ZFYVE9: variants seen among roughly 807,000 people sequenced by gnomAD.
ZFYVE9 encodes zinc finger FYVE domain-containing protein 9.
A neutral mutation model predicts 126.7 loss-of-function variants in ZFYVE9; 43 were observed. The ratio of observed to expected loss-of-function variants is 0.34; its 90% CI spans 0.27 to 0.44. The LOEUF (loss-of-function observed/expected upper bound fraction) is 0.44. Ranked by LOEUF, ZFYVE9 falls within the 20% of genes least tolerant of loss-of-function variation. The pLI is 1.00. For synonymous variants in ZFYVE9, 521 were observed against 597.4 expected (o/e 0.87, Z 1.87); for missense variants, 1,476 against 1,697.0 (o/e 0.87, Z 2.29).
chr1:52,335,010 T>G, intron 15 of ZFYVE9: 1 of 349,300 alleles, frequency 2.9e-6, no homozygotes, highest in Non-Finnish European at 5.3e-6. Flanking sequence ...ATAAGGTACC[T>G]GAGGGCATGT....
In ZFYVE9 at chr1:52,242,628, T is replaced by C. The variant is rs569728929; in HGVS notation, c.2178+3033T>C. Among the ~76,000 whole-genome samples, 5 of 152,286 alleles carry C rather than the reference T, an allele frequency of 3.3e-5. No individual in the cohort carries two copies. In the South Asian group the frequency reaches 1.0e-3, roughly 32 times the overall value. ...ACGGGTGTAAGAACTTTGGAAAATA[T>C]TTTAAATTAGTCATGTGTATTGTTC... On this transcript the variant is annotated intron_variant, in intron 4 of 18. Transcript: ENST00000287727.
At chr1:52,235,573 A>T (rs1408754095) in intron 3 of ZFYVE9, among the ~76,000 whole-genome samples, 2 of 152,084 alleles carry the variant, frequency 1.3e-5, no homozygotes, top group Non-Finnish European at 2.9e-5. Context: ...ATTTCAGAGG[A>T]TACTAAGCCC....
At chr1:52,198,120 G>GTTTTTTTTTTTTTTTTTTTTT (rs373096573) in intron 1 of ZFYVE9, among the ~76,000 whole-genome samples, 3 of 111,082 alleles carry the variant, frequency 2.7e-5, no homozygotes, top group African/African-American at 7.1e-5. Context: ...GTTTTTTTTT[G>GTTTTTTTTTTTTTTTTTTTTT]TTTGTTTTTT....
chr1:52,317,490 AAAAAAAAG>A (rs984556088), intron 13 of ZFYVE9, among the ~76,000 whole-genome samples: 11 of 152,046 alleles, frequency 7.2e-5, no homozygotes, highest in Non-Finnish European at 8.8e-5. Flanking sequence ...TCAGAAAAAA[AAAAAAAAG>A]AAAGAAAAAA....
At chr1:52,225,978 C>T (rs764932646) in intron 2 of ZFYVE9, among the ~76,000 whole-genome samples, 2 of 152,022 alleles carry the variant, frequency 1.3e-5, no homozygotes, top group African/African-American at 2.4e-5. Context: ...ACGGGTCTTC[C>T]GAGGGAAAAG....
At chr1:52,199,098 C>T (rs1644898092) in intron 1 of ZFYVE9, among the ~76,000 whole-genome samples, 1 of 149,510 alleles carries the variant, frequency 6.7e-6, no homozygotes, top group Non-Finnish European at 1.5e-5. Flanking sequence ...TGGAATCTTG[C>T]TCTGTCACTC....
At chr1:52,173,071 T>C (rs1389640951) in intron 1 of ZFYVE9, among the ~76,000 whole-genome samples, 1 of 151,704 alleles carries the variant, frequency 6.6e-6, no homozygotes, top group Non-Finnish European at 1.5e-5. Flanking sequence ...GGCATCCCTG[T>C]CTTGTGCCAG....
intron 5 of ZFYVE9, 108 bp from the exon 6 acceptor site, chr1:52,266,547 C>G (rs1645635722): frequency 1.1e-6 from 1 of 907,026 alleles, no homozygotes; most frequent in Non-Finnish European, 1.6e-6. Flanking sequence ...GAGAGACATA[C>G]TATGAGTATT....
At chr1:52,198,715 CTCTG>C (rs1644894209) in intron 1 of ZFYVE9, among the ~76,000 whole-genome samples, 1 of 152,128 alleles carries the variant, frequency 6.6e-6, no homozygotes, top group Non-Finnish European at 1.5e-5. Flanking sequence ...TATATATACA[CTCTG>C]TCTTTTTTAG....
Position 52,238,735 on chromosome 1 carries a change from G to T in ZFYVE9, c.1318G>T (p.Val440Phe). 2 of 1,614,116 alleles carry T rather than the reference G, an allele frequency of 1.2e-6. No individual in the cohort carries two copies. The highest frequency in any genetic ancestry group is 1.7e-6 in the Non-Finnish European group (2 of 1,179,968). ...TAATGGTGATAGTGGAGGACAGTGT[G>T]TTGGATTGGCAGATGCAGGTCTAGA... Reference protein sequence around the residue: ...DTNGDSGGQCVGLADAGLDLK... With the variant: ...DTNGDSGGQCFGLADAGLDLK... The change falls in exon 4 of 19, where the codon GTT (valine) becomes TTT (phenylalanine). Residue 440 changes from valine (V) to phenylalanine (F), a missense_variant. By Grantham distance (50) the Val-to-Phe change is conservative. Around this residue, in one of 2 missense-constraint regions of ZFYVE9, gnomAD observed 807 missense variants for 794.6 expected, o/e 1.02. Transcript: ENST00000287727.
chr1:52,147,578 C>T (rs1644316554), intron 1 of ZFYVE9, among the ~76,000 whole-genome samples: 1 of 152,184 alleles, frequency 6.6e-6, no homozygotes. Context: ...CTTTTTATTG[C>T]TGAATAATAT....
chr1:52,171,644 C>T (rs1055363347), intron 1 of ZFYVE9, among the ~76,000 whole-genome samples: 6 of 152,120 alleles, frequency 3.9e-5, no homozygotes, highest in South Asian at 2.1e-4. Context: ...TATTTCTCCA[C>T]ATCCTCTCCA....
At chr1:52,249,067 T>G (rs911989252) in intron 4 of ZFYVE9, among the ~76,000 whole-genome samples, 1 of 152,192 alleles carries the variant, frequency 6.6e-6, no homozygotes, top group Non-Finnish European at 1.5e-5. Context: ...TCTGGTTGTT[T>G]GAAAGTATGT....
At chr1:52,279,172 G>A (rs1645778117) in intron 9 of ZFYVE9, among the ~76,000 whole-genome samples, 1 of 152,104 alleles carries the variant, frequency 6.6e-6, no homozygotes, top group African/African-American at 2.4e-5. Context: ...ATTCTCCATG[G>A]ATGAAAGCCA....
At chr1:52,254,151 T>C (rs900682314) in intron 4 of ZFYVE9, 5 of 693,264 alleles carry the variant, frequency 7.2e-6, no homozygotes, top group Non-Finnish European at 1.2e-5. Flanking sequence ...TGTACAACTA[T>C]AGATTTCATG....
chr1:52,216,223 A>G (rs1240722937), intron 1 of ZFYVE9, 146 bp from the exon 2 acceptor site: 1 of 395,208 alleles, frequency 2.5e-6, no homozygotes, highest in East Asian at 3.6e-5. Flanking sequence ...CCTTGTATGC[A>G]AGCCAGGTCT....
intron 5 of ZFYVE9, among the ~76,000 whole-genome samples, chr1:52,265,218 C>T (rs760913039): frequency 2.6e-4 from 39 of 152,088 alleles, no homozygotes; most frequent in South Asian, 4.1e-4. Flanking sequence ...TGGCTTAGCC[C>T]GGTCTTTTTC....
At chr1:52,299,855 G>A (rs1256837779) in intron 12 of ZFYVE9, among the ~76,000 whole-genome samples, 2 of 152,218 alleles carry the variant, frequency 1.3e-5, no homozygotes, top group East Asian at 3.8e-4. Flanking sequence ...TGCTATGACT[G>A]GGAATGAGGG....
chr1:52,329,036 C>T (rs1157531933), intron 13 of ZFYVE9, among the ~76,000 whole-genome samples: 1 of 152,076 alleles, frequency 6.6e-6, no homozygotes, highest in Non-Finnish European at 1.5e-5. Context: ...CTGAGAACTA[C>T]AAAACGTTGC....
Sources: allele counts gnomAD v4.1 joint callset (sites outside exome capture counted in the v4.1 genomes callset), GRCh38; gene constraint gnomAD v4.1.1; regional missense constraint gnomAD v4.1.1; transcripts MANE v1.5; gene names NCBI Gene and HGNC (gene_info 2026-07-23, HGNC 2026-07-21).